The following RUFY3 variants were observed in gnomAD, a reference collection of about 807,000 sequenced individuals.
RUFY3 encodes protein RUFY3.
RUFY3 carries 34 observed loss-of-function variants against 84.0 expected under a neutral mutation model. The observed-to-expected ratio is 0.40, with a 90% CI of 0.31 to 0.54. The LOEUF (loss-of-function observed/expected upper bound fraction) is 0.54, where lower values mean the gene tolerates loss of function less well. Ranked by LOEUF, RUFY3 falls within the 20% of genes least tolerant of loss-of-function variation. The pLI is 0.39. For missense variants in RUFY3, 507 were observed against 736.8 expected, an observed-to-expected ratio of 0.69 and a Z score of 3.61; for synonymous variants, 242 against 252.9, an observed-to-expected ratio of 0.96 and a Z score of 0.41.
rs761191309 is a variant in RUFY3 at position 70,778,360 on chromosome 4, A to G, written c.825-9A>G. 8.5e-6 allele frequency: 13 copies of G among 1,530,562 alleles called. No homozygotes were observed. Among genetic ancestry groups the G allele is most frequent in the African/African-American group, 4.1e-5 (3 of 72,966 alleles). The allele number at this position is 1,530,562 out of a possible 1,614,324, so 94.8% of individuals were successfully genotyped here. A position where few individuals can be genotyped will look rare whatever the true frequency, so the allele number is the denominator to read the frequency against. ...CAAAAGTGACTTTTTTTTCTTCTCT[A>G]TATTATAGTGCTACTGTAAACAACC... On this transcript the variant is annotated splice_polypyrimidine_tract_variant and intron_variant, in intron 7 of 17. Coordinates refer to ENST00000381006, the MANE Select transcript of RUFY3 (RefSeq NM_001037442.4).
chr4:70,782,638 C>A, intron 8 of RUFY3, among the ~76,000 whole-genome samples: 1 of 151,928 alleles, frequency 6.6e-6, no homozygotes, highest in South Asian at 2.1e-4. Context: ...CTTGGTCGGG[C>A]GCAGTGGCTC....
intron 15 of RUFY3, among the ~76,000 whole-genome samples, chr4:70,800,596 A>G (rs1732095843): frequency 6.6e-6 from 1 of 152,208 alleles, no homozygotes; most frequent in Non-Finnish European, 1.5e-5. Flanking sequence ...TAAATTTCAA[A>G]TAAGTGGCTG....
At chr4:70,786,860 G>A (rs1729903046) in intron 10 of RUFY3, among the ~76,000 whole-genome samples, 1 of 151,916 alleles carries the variant, frequency 6.6e-6, no homozygotes, top group African/African-American at 2.4e-5. Context: ...GGAGGAGCCT[G>A]AAAATAAGGG....
intron 10 of RUFY3, among the ~76,000 whole-genome samples, chr4:70,787,209 TATATAA>T (rs1316311036): frequency 3.7e-5 from 5 of 133,982 alleles, no homozygotes; most frequent in African/African-American, 1.2e-4. Flanking sequence ...TATATATATA[TATATAA>T]AAACAAATTG....
chr4:70,802,798 G>A, intron 15 of RUFY3, 158 bp from the exon 16 acceptor site: 1 of 498,438 alleles, frequency 2.0e-6, no homozygotes, highest in East Asian at 3.2e-5. Context: ...TCTCCTTGGA[G>A]GTCAAAATTA....
chr4:70,782,898 T>TGAG (rs1167425199), intron 8 of RUFY3, among the ~76,000 whole-genome samples, 193 bp from the exon 9 acceptor site: 1 of 152,010 alleles, frequency 6.6e-6, no homozygotes, highest in African/African-American at 2.4e-5. Context: ...GGCAATAGAG[T>TGAG]GAGGCCCTGT....
At chr4:70,735,942 C>G (rs974533816) in intron 1 of RUFY3, among the ~76,000 whole-genome samples, 4 of 151,502 alleles carry the variant, frequency 2.6e-5, no homozygotes, top group African/African-American at 7.3e-5. Flanking sequence ...GAGATGAGAT[C>G]ACATCACTGC....
rs567560821 is a variant in RUFY3, at chr4:70,722,084, T to C, written c.-490T>C. On this transcript the variant is annotated 5_prime_UTR_variant, in exon 1 of 18. Coordinates refer to ENST00000381006, the MANE Select transcript of RUFY3 (RefSeq NM_001037442.4). ...GAAGTGATTTCTGCAGCTCAGGATT[T>C]TTTTTTTAAGCTACATTGAAAATAT... 236 of 1,232,134 alleles carry C rather than the reference T, an allele frequency of 1.9e-4. 3 individuals carry two copies. The South Asian group carries it at 8.3e-3, about 44-fold the overall frequency. 76.3% of individuals were successfully genotyped at this position (1,232,134 alleles called of 1,614,324 possible). A position where few individuals can be genotyped will look rare whatever the true frequency, so the allele number is the denominator to read the frequency against.
At chr4:70,721,852 A>G, upstream of RUFY3, 1 of 1,228,998 alleles carries the variant, frequency 8.1e-7, no homozygotes, top group East Asian at 3.2e-5. Context: ...GTACAGGATG[A>G]GAGAGAGAAG....
At chr4:70,765,209 G>GTGTATATATA (rs144995233) in intron 4 of RUFY3, among the ~76,000 whole-genome samples, 6 of 137,210 alleles carry the variant, frequency 4.4e-5, no homozygotes, top group Non-Finnish European at 6.2e-5. Context: ...AAAAAAATGT[G>GTGTATATATA]TATATATATA....
Position 70,789,603 on chromosome 4 carries a change from T to C in RUFY3, c.1337+11T>C. The C allele has an allele frequency of 6.2e-7, 1 of 1,609,916 alleles. No individual in the cohort carries two copies. The highest frequency in any genetic ancestry group is 8.5e-7 in the Non-Finnish European group (1 of 1,178,126). The stretch of plus-strand genomic sequence containing the variant: ...ACAACTTGAACAAAGGTAAAAGTCC[T>C]GTTTCTTTAATGAAACACTTTGGAT... On this transcript the variant is annotated intron_variant, in intron 12 of 17. Transcript: ENST00000381006.
chr4:70,788,761 G>T (rs1423944311), intron 10 of RUFY3, 45 bp from the exon 11 acceptor site: 7 of 1,601,974 alleles, frequency 4.4e-6, no homozygotes, highest in Non-Finnish European at 6.0e-6. Context: ...TTTGTACTTA[G>T]TTGAAGGAAC....
At chr4:70,748,494 A>G (rs1722593002) in intron 1 of RUFY3, among the ~76,000 whole-genome samples, 1 of 152,232 alleles carries the variant, frequency 6.6e-6, no homozygotes, top group African/African-American at 2.4e-5. Context: ...GAGTTAAACT[A>G]AGGACAGTGG....
intron 1 of RUFY3, among the ~76,000 whole-genome samples, chr4:70,736,454 C>T (rs1279169751): frequency 6.6e-6 from 1 of 152,200 alleles, no homozygotes; most frequent in Non-Finnish European, 1.5e-5. Flanking sequence ...GATCATACCA[C>T]ACCTGTGCTG....
At chr4:70,764,233 G>T (rs977549860) in intron 3 of RUFY3, among the ~76,000 whole-genome samples, 1 of 152,192 alleles carries the variant, frequency 6.6e-6, no homozygotes, top group African/African-American at 2.4e-5. Flanking sequence ...GGGTCTCCCA[G>T]AGGCTGTGTC....
intron 1 of RUFY3, among the ~76,000 whole-genome samples, chr4:70,754,646 CTTCT>C (rs1472014427): frequency 3.3e-5 from 5 of 151,454 alleles, no homozygotes; most frequent in African/African-American, 1.2e-4. Flanking sequence ...AGTACTTTCA[CTTCT>C]TTCTTTCACA....
At chr4:70,712,257 G>C (rs149304480) in intron 1 of RUFY3, among the ~76,000 whole-genome samples, 1 of 152,118 alleles carries the variant, frequency 6.6e-6, no homozygotes, top group Non-Finnish European at 1.5e-5. Context: ...ATATTTTTGT[G>C]TGCCGTGCAG....
At chr4:70,765,968 G>A (rs1185075880) in intron 4 of RUFY3, among the ~76,000 whole-genome samples, 2 of 151,802 alleles carry the variant, frequency 1.3e-5, no homozygotes, top group Non-Finnish European at 2.9e-5. Flanking sequence ...TCACCGTGTT[G>A]GCCAGGATGG....
rs1179151276 is a variant in RUFY3 at position 70,789,488 on chromosome 4, A to G, written c.1240-7A>G. 1.2e-6 allele frequency: 2 copies of G among 1,608,466 alleles called. No individual in the cohort carries two copies. The highest frequency in any genetic ancestry group is 1.1e-5 in the South Asian group (1 of 89,888). ...TACAGGTTGTTTATCGTTATTTTCC[A>G]TAACAGAGTTCAGACTTAGGAGTAA... On this transcript the variant is annotated splice_region_variant and splice_polypyrimidine_tract_variant and intron_variant, in intron 11 of 17. Transcript: ENST00000381006.
Sources: allele counts gnomAD v4.1 joint callset (sites outside exome capture counted in the v4.1 genomes callset), GRCh38; gene constraint gnomAD v4.1.1; transcripts MANE v1.5; gene names NCBI Gene and HGNC (gene_info 2026-07-23, HGNC 2026-07-21).